GPHN: variants seen among roughly 807,000 people sequenced by gnomAD.
GPHN encodes gephyrin.
A neutral mutation model predicts 95.5 loss-of-function variants in GPHN; 17 were observed. The observed-to-expected ratio is 0.18, with a 90% CI of 0.12 to 0.27. The LOEUF (loss-of-function observed/expected upper bound fraction) is 0.27, where lower values mean the gene tolerates loss of function less well. GPHN is among the 10% of genes least tolerant of loss of function. GPHN has a pLI of 1.00. For missense variants in GPHN, 660 were observed against 978.1 expected, an observed-to-expected ratio of 0.67 and a Z score of 4.34; for synonymous variants, 320 against 322.5, an observed-to-expected ratio of 0.99 and a Z score of 0.08.
chr14:66,976,116 A>G (rs1193966401), intron 9 of GPHN, among the ~76,000 whole-genome samples: 2 of 152,208 alleles, frequency 1.3e-5, no homozygotes, highest in African/African-American at 4.8e-5. Flanking sequence ...TAGTACATAA[A>G]GTACTAGAGA....
the GPHN span, among the ~76,000 whole-genome samples, chr14:67,287,693 C>G: frequency 1.3e-5 from 2 of 152,116 alleles, no homozygotes; most frequent in Non-Finnish European, 2.9e-5. Flanking sequence ...ATAATTTTAT[C>G]CTAGAAATTT....
chr14:66,681,635 T>A (rs926729535), intron 2 of GPHN, among the ~76,000 whole-genome samples: 1 of 152,176 alleles, frequency 6.6e-6, no homozygotes, highest in Admixed American at 6.5e-5. Context: ...ATGTTTTACA[T>A]ATGGCACAAG....
chr14:67,073,950 A>G (rs954953059), intron 11 of GPHN, among the ~76,000 whole-genome samples: 2 of 152,194 alleles, frequency 1.3e-5, no homozygotes, highest in Admixed American at 6.5e-5. Context: ...AAATGATTCA[A>G]TCTTTTTCAC....
chr14:67,163,555 A>G (rs2082086245), intron 19 of GPHN, among the ~76,000 whole-genome samples: 1 of 152,180 alleles, frequency 6.6e-6, no homozygotes, highest in African/African-American at 2.4e-5. Flanking sequence ...AAAACAACCC[A>G]TAGTACTCTT....
At chr14:67,651,367 A>G in the GPHN span, 2 of 1,613,282 alleles carry the variant, frequency 1.2e-6, no homozygotes, top group Non-Finnish European at 1.7e-6. Flanking sequence ...TGGTCCACAA[A>G]CCCTTCCCTA....
chr14:66,711,228 A>G (rs1296109564), intron 2 of GPHN, among the ~76,000 whole-genome samples: 2 of 152,114 alleles, frequency 1.3e-5, no homozygotes, highest in Non-Finnish European at 1.5e-5. Context: ...AGTCTGTTGT[A>G]TCATTCTTAT....
At chr14:66,829,905 G>A (rs2061522401) in intron 4 of GPHN, among the ~76,000 whole-genome samples, 1 of 152,030 alleles carries the variant, frequency 6.6e-6, no homozygotes, top group South Asian at 2.1e-4. Flanking sequence ...TGCATGTCCA[G>A]GGAGCTAAGA....
intron 2 of GPHN, among the ~76,000 whole-genome samples, chr14:66,741,265 G>T (rs1443700383): frequency 1.3e-5 from 2 of 152,056 alleles, no homozygotes. Flanking sequence ...ATATTTATGA[G>T]ATAAATATAA....
rs544054824 is a variant in GPHN at position 66,526,014 on chromosome 14, T to A, written c.64+17423T>A. On this transcript the variant is annotated intron_variant, in intron 1 of 22. Transcript: ENST00000478722. ...AAATTTAAAGTAGTTTTTTTTTTTT[T>A]AATTCTGTAAAGAAAGTCAATGGTA... Among the ~76,000 whole-genome samples the A allele has an allele frequency of 1.4e-3, 212 of 151,788 alleles. 3 individuals carry two copies. The highest frequency in any genetic ancestry group is 4.9e-3 in the African/African-American group (203 of 41,382).
At chr14:67,191,107 G>A in the GPHN span, among the ~76,000 whole-genome samples, 42 of 152,206 alleles carry the variant, frequency 2.8e-4, no homozygotes, top group East Asian at 2.1e-3. Context: ...GGTGGCGGGC[G>A]CCTCTAATCC....
chr14:66,914,606 A>G (rs1382424490), intron 5 of GPHN, among the ~76,000 whole-genome samples: 1 of 152,104 alleles, frequency 6.6e-6, no homozygotes, highest in African/African-American at 2.4e-5. Flanking sequence ...TTAGAAGGAA[A>G]GGTGCTACAA....
chr14:66,823,327 G>A (rs1042217550), intron 3 of GPHN: 1 of 152,168 alleles, frequency 6.6e-6, no homozygotes, highest in African/African-American at 2.4e-5. Flanking sequence ...AGAAAGAATA[G>A]AGAGCTATTT....
At chr14:67,646,846 A>G in the GPHN span, 1 of 1,385,032 alleles carries the variant, frequency 7.2e-7, no homozygotes, top group Admixed American at 1.7e-5. Flanking sequence ...CAACAAACCC[A>G]CCCTCTCCCC....
the GPHN span, among the ~76,000 whole-genome samples, chr14:67,267,341 C>T: frequency 1.3e-5 from 2 of 152,004 alleles, no homozygotes; most frequent in Admixed American, 6.5e-5. Flanking sequence ...TCACTGCAAC[C>T]TCTGCCTCCC....
the GPHN span, chr14:67,584,234 G>T: frequency 4.7e-6 from 5 of 1,072,790 alleles, no homozygotes; most frequent in Non-Finnish European, 6.8e-6. Flanking sequence ...ACCACCAGAG[G>T]TCACTATCCC....
At position 67,173,462 on chromosome 14, in the gene GPHN, A is replaced by G. The variant is rs114953195; in HGVS notation, c.2079+4426A>G. Among the ~76,000 whole-genome samples the G allele has an allele frequency of 7.1e-3, 1,084 of 152,300 alleles. 5 individuals carry two copies. Among genetic ancestry groups the G allele is most frequent in the African/African-American group, 0.025 (1,035 of 41,562 alleles). On this transcript the variant is annotated intron_variant, in intron 21 of 22. Transcript: ENST00000478722. ...ACCCACAGTTACTGCTCGCCCTGAA[A>G]GCACCTGAAGATGCTGCATGGAAAC...
the GPHN span, among the ~76,000 whole-genome samples, chr14:67,225,952 TGTGTGTGTGTGC>T: frequency 7.8e-3 from 1,081 of 139,134 alleles, 23 homozygotes; most frequent in African/African-American, 0.029. Flanking sequence ...TGTGTGTGTG[TGTGTGTGTGTGC>T]GCGCGCGCGC....
At chr14:67,635,538 T>C in the GPHN span, among the ~76,000 whole-genome samples, 1 of 152,182 alleles carries the variant, frequency 6.6e-6, no homozygotes. Flanking sequence ...TTCTAAGAAT[T>C]AGCAGTCACA....
chr14:67,645,936 T>A, the GPHN span: 5 of 1,030,844 alleles, frequency 4.9e-6, no homozygotes. Context: ...ATCACTATTA[T>A]GGACCAGGCA....
Sources: allele counts gnomAD v4.1 joint callset (sites outside exome capture counted in the v4.1 genomes callset), GRCh38; gene constraint gnomAD v4.1.1; transcripts MANE v1.5; gene names NCBI Gene and HGNC (gene_info 2026-07-23, HGNC 2026-07-21).